Variants in PREX2 observed in about 807,000 individuals in gnomAD.
PREX2 encodes phosphatidylinositol 3,4,5-trisphosphate-dependent Rac exchanger 2 protein.
In PREX2, 107 loss-of-function variants were observed where a neutral mutation model predicts 203.2. The observed-to-expected ratio is 0.53, with a 90% CI of 0.45 to 0.62. The LOEUF is 0.62. PREX2 is among the 20% of genes least tolerant of loss of function. The pLI is 0.00. For synonymous variants in PREX2, 672 were observed against 663.6 expected, an observed-to-expected ratio of 1.01 and a Z score of -0.19; for missense variants, 1,777 against 1,955.9, an observed-to-expected ratio of 0.91 and a Z score of 1.72.
chr8:68,037,326 C>G (rs1252621737), intron 6 of PREX2, among the ~76,000 whole-genome samples: 3 of 151,864 alleles, frequency 2.0e-5, no homozygotes, highest in African/African-American at 7.3e-5. Flanking sequence ...TTTTTTTGGT[C>G]CAACTCAGTG....
chr8:68,152,960 T>A (rs1811471831), intron 34 of PREX2, among the ~76,000 whole-genome samples: 1 of 152,188 alleles, frequency 6.6e-6, no homozygotes, highest in Non-Finnish European at 1.5e-5. Context: ...TGTCATCTTA[T>A]CACCTCAGTC....
At chr8:68,060,615 G>T in intron 10 of PREX2, 64 bp from the exon 11 acceptor site, 1 of 1,009,654 alleles carries the variant, frequency 9.9e-7, no homozygotes, top group Non-Finnish European at 1.5e-6. Context: ...TGACTGGATG[G>T]TATAGAAAGA....
At chr8:68,049,117 CTTTTTTT>C (rs3056658) in intron 8 of PREX2, among the ~76,000 whole-genome samples, 3 of 116,180 alleles carry the variant, frequency 2.6e-5, no homozygotes, top group Non-Finnish European at 3.7e-5. Context: ...CAATTAGAAT[CTTTTTTT>C]TTTTTTTTTT....
chr8:68,152,902 T>C (rs901032081), intron 34 of PREX2, among the ~76,000 whole-genome samples: 2 of 152,156 alleles, frequency 1.3e-5, no homozygotes, highest in Non-Finnish European at 2.9e-5. Context: ...CTCAGCCCCT[T>C]TAGCTTCACT....
intron 1 of PREX2, among the ~76,000 whole-genome samples, chr8:67,992,511 C>A (rs1413067276): frequency 1.3e-5 from 2 of 152,108 alleles, no homozygotes; most frequent in Non-Finnish European, 2.9e-5. Context: ...TACTTAAAAT[C>A]TGACTTGATC....
intron 8 of PREX2, among the ~76,000 whole-genome samples, chr8:68,052,087 T>C (rs1808541025): frequency 1.3e-5 from 2 of 152,148 alleles, no homozygotes; most frequent in Non-Finnish European, 1.5e-5. Flanking sequence ...ATAGATCATC[T>C]GAGAAAAAAA....
At chr8:68,147,176 TA>T (rs1384152956) in intron 34 of PREX2, among the ~76,000 whole-genome samples, 5 of 152,212 alleles carry the variant, frequency 3.3e-5, no homozygotes, top group Non-Finnish European at 7.3e-5. Flanking sequence ...TTTCAAGAAC[TA>T]CATTGGTTTT....
Position 68,191,759 on chromosome 8 carries a change from T to C in PREX2, c.4384T>C (p.Ser1462Pro). ...GGACAAGTCAAATTCACCACCAAACTCCACATCCAAAGCTGCCTATGTAGA... is the reference window on the plus strand; with the variant it reads ...GGACAAGTCAAATTCACCACCAAACCCCACATCCAAAGCTGCCTATGTAGA... Reference protein sequence around the residue: ...YLDKSNSPPNSTSKAAYVDKL... With the variant: ...YLDKSNSPPNPTSKAAYVDKL... Residue 1462 changes from serine to proline, a missense_variant, in exon 36 of 40, where the codon TCC becomes CCC. By Grantham distance (74) the Ser-to-Pro change is moderately conservative (BLOSUM62 -1). Transcript: ENST00000288368. The C allele has an allele frequency of 1.2e-6, 2 of 1,610,616 alleles. No homozygotes were observed. The highest frequency in any genetic ancestry group is 1.7e-6 in the Non-Finnish European group (2 of 1,176,988).
Position 68,224,551 on chromosome 8 carries a change from A to T in PREX2, c.4708-8A>T. 6.2e-7 allele frequency: 1 copy of T among 1,612,432 alleles called. No individual in the cohort carries two copies. The highest frequency in any genetic ancestry group is 1.1e-5 in the South Asian group (1 of 91,022). On this transcript the variant is annotated splice_polypyrimidine_tract_variant and splice_region_variant and intron_variant, in intron 38 of 39. Coordinates refer to ENST00000288368, the MANE Select transcript of PREX2 (RefSeq NM_024870.4). ...TGTAGGGATAAAAGTGATTTTCCTG[A>T]CTTTCAGGGAGCAAGAGTTCAGAAC...
intron 14 of PREX2, among the ~76,000 whole-genome samples, chr8:68,073,303 A>G (rs1477897397): frequency 2.6e-5 from 4 of 151,538 alleles, no homozygotes; most frequent in African/African-American, 9.7e-5. Flanking sequence ...TGAACTTACT[A>G]TTTTGGGGGA....
intron 4 of PREX2, among the ~76,000 whole-genome samples, chr8:68,026,422 AT>A (rs1343294977): frequency 6.6e-6 from 1 of 152,118 alleles, no homozygotes; most frequent in Non-Finnish European, 1.5e-5. Context: ...TTAGATATTT[AT>A]TAAATAGTTT....
chr8:68,105,909 T>C (rs1468449868), intron 23 of PREX2: 2 of 157,694 alleles, frequency 1.3e-5, no homozygotes, highest in African/African-American at 2.4e-5. Flanking sequence ...ATGGCACATG[T>C]ATTATATATA....
intron 23 of PREX2, 28 bp downstream of exon 23, chr8:68,099,871 A>C (rs979793604): frequency 6.6e-7 from 1 of 1,525,458 alleles, no homozygotes; most frequent in Non-Finnish European, 9.1e-7. Flanking sequence ...TTTATACACA[A>C]TTATTGTTGA....
At chr8:68,088,021 A>C (rs1402242011) in intron 19 of PREX2, among the ~76,000 whole-genome samples, 1 of 152,176 alleles carries the variant, frequency 6.6e-6, no homozygotes, top group Non-Finnish European at 1.5e-5. Flanking sequence ...TTGATATAAG[A>C]ATTATGCCTA....
chr8:67,993,609 T>C lies in PREX2; in HGVS notation c.142-24237T>C, dbSNP rs754350662. Among the ~76,000 whole-genome samples the C allele has an allele frequency of 5.3e-5, 8 of 152,184 alleles. No homozygotes were observed. The South Asian group carries it at 8.3e-4, about 16-fold the overall frequency. On this transcript the variant is annotated intron_variant, in intron 1 of 39. Transcript: ENST00000288368. ...TTTTGGTAGAGATGGGGTTTCACCATGTTGGCCAGGCTGGTATCGAACTCC... is the reference window on the plus strand; with the variant it reads ...TTTTGGTAGAGATGGGGTTTCACCACGTTGGCCAGGCTGGTATCGAACTCC...
Position 68,108,177 on chromosome 8 carries a change from G to T in PREX2, c.2784G>T (p.Leu928=). Residue 928 remains leucine, a synonymous_variant, in exon 24 of 40, where the codon CTG becomes CTT. Coordinates refer to ENST00000288368, the MANE Select transcript of PREX2 (RefSeq NM_024870.4). ...AGGCCAAATCTAAAATCTCCCCACT[G>T]CACAGCAGTGATTTCTGCCCTACCA... The part of the protein sequence containing the change: ...FKQAKSKISP[L]HSSDFCPTNC... 6.2e-7 allele frequency: 1 copy of T among 1,613,980 alleles called. No homozygotes were observed.
chr8:68,044,662 A>C, intron 8 of PREX2, 72 bp downstream of exon 8: 1 of 1,070,720 alleles, frequency 9.3e-7, no homozygotes, highest in African/African-American at 1.6e-5. Flanking sequence ...CAGATTTCTC[A>C]CTTGGATAAT....
chr8:68,123,968 G>T (rs1810836604), intron 30 of PREX2, among the ~76,000 whole-genome samples: 1 of 151,926 alleles, frequency 6.6e-6, no homozygotes, highest in Non-Finnish European at 1.5e-5. Flanking sequence ...ACAACAAAAA[G>T]AAAACTTCAG....
intron 6 of PREX2, among the ~76,000 whole-genome samples, chr8:68,033,999 T>C (rs1807959223): frequency 6.6e-6 from 1 of 152,164 alleles, no homozygotes; most frequent in Non-Finnish European, 1.5e-5. Flanking sequence ...TTATATTCCT[T>C]ACTACGTGCT....
Sources: gnomAD v4.1 joint callset for allele counts (sites outside exome capture counted in the v4.1 genomes callset) on GRCh38, gnomAD v4.1.1 for gene constraint, MANE v1.5 for transcripts, NCBI Gene and HGNC (gene_info 2026-07-23, HGNC 2026-07-21) for gene names.